The following HPS5 variants were observed in gnomAD, a reference collection of about 807,000 sequenced individuals.
HPS5 encodes HPS5 biogenesis of lysosomal organelles complex 2 subunit 2.
In HPS5, 83 loss-of-function variants were observed where a neutral mutation model predicts 128.0. The observed-to-expected ratio is 0.65, with a 90% CI of 0.54 to 0.78. The LOEUF (loss-of-function observed/expected upper bound fraction) is 0.78, where lower values mean the gene tolerates loss of function less well. Among genes scored for constraint, HPS5 ranks in the 30% least tolerant of loss-of-function variants. HPS5 has a pLI of 0.00. For missense variants in HPS5, 1,281 were observed against 1,326.2 expected (o/e 0.97, Z 0.53); for synonymous variants, 475 against 470.2 (o/e 1.01, Z -0.13).
rs141723019 is a variant in HPS5, at chr11:18,311,438, G to C, written c.233C>G (p.Ser78Cys). The change falls in exon 4 of 23, where the codon TCT (serine) becomes TGT (cysteine). Residue 78 changes from serine to cysteine, a missense_variant. Ser to Cys is a moderately radical substitution (Grantham distance 112, BLOSUM62 -1). Transcript: ENST00000349215. Reference sequence around the variant, plus strand: ...ATCATGTAAACAACAGGCGACTTGAGAAATTGCACCTTCCTAGAGCACAAA... The same window carrying C: ...ATCATGTAAACAACAGGCGACTTGACAAATTGCACCTTCCTAGAGCACAAA... The part of the protein sequence containing the change: ...LFLSHREGAI[S>C]QVACCLHDDD... 4.4e-6 allele frequency: 7 copies of C among 1,604,486 alleles called. No homozygotes were observed. Among genetic ancestry groups the C allele is most frequent in the East Asian group, 2.2e-5 (1 of 44,628 alleles).
At chr11:18,281,907 C>A in intron 22 of HPS5, 43 bp downstream of exon 22, 4 of 1,612,874 alleles carry the variant, frequency 2.5e-6, no homozygotes, top group Non-Finnish European at 3.4e-6. Flanking sequence ...GGCCTTCTAC[C>A]TTCTCCAAGC....
At chr11:18,315,530 T>C (rs557374116) in intron 2 of HPS5, among the ~76,000 whole-genome samples, 1 of 151,852 alleles carries the variant, frequency 6.6e-6, no homozygotes, top group Non-Finnish European at 1.5e-5. Context: ...CAAGACTCAC[T>C]TGAACCCAGG....
At chr11:18,307,634 T>G (rs1862520046) in intron 6 of HPS5, among the ~76,000 whole-genome samples, 1 of 152,032 alleles carries the variant, frequency 6.6e-6, no homozygotes, top group Non-Finnish European at 1.5e-5. Context: ...AGTTGAGTAT[T>G]TTCACATATG....
At chr11:18,316,337 T>C (rs1310709674) in intron 2 of HPS5, among the ~76,000 whole-genome samples, 4 of 152,176 alleles carry the variant, frequency 2.6e-5, no homozygotes, top group African/African-American at 7.2e-5. Flanking sequence ...AGATTTTATA[T>C]GCCTTTTCTC....
At position 18,297,278 on chromosome 11, in the gene HPS5, C is replaced by T. The variant is rs535023411; in HGVS notation, c.1323+281G>A. Among the ~76,000 whole-genome samples the T allele has an allele frequency of 2.0e-5, 3 of 152,206 alleles. No homozygotes were observed. The East Asian group carries it at 5.8e-4, about 29-fold the overall frequency. The stretch of plus-strand genomic sequence containing the variant: ...TCAGGCTCAAATTAGCATGAAGCAC[C>T]TAAAATCACATATTAGAGCAACGTA... On this transcript the variant is annotated intron_variant, in intron 11 of 22. Coordinates refer to ENST00000349215, the MANE Select transcript of HPS5 (RefSeq NM_181507.2).
intron 8 of HPS5, among the ~76,000 whole-genome samples, chr11:18,301,687 C>G (rs1007776318): frequency 4.6e-5 from 7 of 152,038 alleles, no homozygotes; most frequent in Non-Finnish European, 5.9e-5. Context: ...CAACAAAAAG[C>G]TGACAACTCC....
chr11:18,317,868 A>G lies in HPS5; in HGVS notation c.-10T>C, dbSNP rs1863834752. On this transcript the variant is annotated 5_prime_UTR_variant, in exon 2 of 23. Coordinates refer to ENST00000349215, the MANE Select transcript of HPS5 (RefSeq NM_181507.2). ...CTGGCACAAAAGCCATTTAGCCAGA[A>G]AGCTGAAACTTGTTGAATGATAGAT... 6.2e-6 allele frequency: 10 copies of G among 1,611,854 alleles called. No homozygotes were observed. The highest frequency in any genetic ancestry group is 1.3e-5 in the African/African-American group (1 of 74,908).
intron 8 of HPS5, among the ~76,000 whole-genome samples, chr11:18,303,414 TCAG>T (rs1176415711): frequency 6.6e-6 from 1 of 152,210 alleles, no homozygotes; most frequent in Non-Finnish European, 1.5e-5. Flanking sequence ...CTTTGAGGAA[TCAG>T]CAGAAGTTTC....
At chr11:18,287,857 C>CT (rs755100978) in intron 17 of HPS5, 36 bp downstream of exon 17, 28 of 1,613,438 alleles carry the variant, frequency 1.7e-5, no homozygotes, top group Non-Finnish European at 2.2e-5. Flanking sequence ...AATGCATGTG[C>CT]TTTAGCTCAT....
rs775138085 is a variant in HPS5, at chr11:18,300,908, C to T, written c.905G>A (p.Cys302Tyr). Residue 302 changes from cysteine (C) to tyrosine (Y), a missense_variant, in exon 9 of 23, where the codon TGT (cysteine) becomes TAT (tyrosine). Coordinates refer to ENST00000349215, the MANE Select transcript of HPS5 (RefSeq NM_181507.2). ...TCCTCTTTCTGTCCAAGTCAGCACA[C>T]AATGCTCACTGCAAGAGAAGAAGTG... ...FPKLLHLSEH[C>Y]VLTWTERGIY... 5.8e-5 allele frequency: 91 copies of T among 1,581,770 alleles called. No individual in the cohort carries two copies. Among genetic ancestry groups the T allele is most frequent in the Non-Finnish European group, 7.6e-5 (87 of 1,150,836 alleles).
rs761801743 is a variant in HPS5, at chr11:18,298,780, G to A, written c.1164+12C>T. 6.2e-7 allele frequency: 1 copy of A among 1,613,552 alleles called. No homozygotes were observed. Among genetic ancestry groups the A allele is most frequent in the South Asian group, 1.1e-5 (1 of 91,046 alleles). On this transcript the variant is annotated intron_variant, in intron 10 of 22. Transcript: ENST00000349215. ...ATCCATGGTAAAGATGTCTAGGTAA[G>A]CTCTGACTCACTCTGCTGGCAATGA... is the stretch of plus-strand genomic sequence containing the variant.
rs1863096290 is a variant in HPS5, at chr11:18,312,174, T to C, written c.109-150A>G. On this transcript the variant is annotated intron_variant, in intron 2 of 22. Coordinates refer to ENST00000349215, the MANE Select transcript of HPS5 (RefSeq NM_181507.2). ...TGGACACAATATGACACTTATTCTC[T>C]AGTTCTAGAATAGTAAAAAATACTG... 3.1e-5 allele frequency: 21 copies of C among 671,114 alleles called. No individual in the cohort carries two copies. In the East Asian group the frequency reaches 4.4e-4, roughly 14 times the overall value. 41.6% of individuals were successfully genotyped at this position (671,114 alleles called of 1,614,324 possible).
chr11:18,287,491 C>T (rs1175358452), intron 18 of HPS5, 44 bp downstream of exon 18: 1 of 1,602,288 alleles, frequency 6.2e-7, no homozygotes, highest in African/African-American at 1.3e-5. Flanking sequence ...AAACAATGCC[C>T]TGTCAAAAGA....
At chr11:18,284,185 A>T (rs1315466069) in intron 20 of HPS5, among the ~76,000 whole-genome samples, 1 of 152,096 alleles carries the variant, frequency 6.6e-6, no homozygotes, top group Non-Finnish European at 1.5e-5. Context: ...AAAAACAAAA[A>T]ACCTAGCAAC....
intron 14 of HPS5, among the ~76,000 whole-genome samples, chr11:18,294,110 G>C (rs1245471989): frequency 6.6e-6 from 1 of 152,114 alleles, no homozygotes; most frequent in Non-Finnish European, 1.5e-5. Flanking sequence ...AGAGAGACAA[G>C]ATACTCCACA....
At chr11:18,284,370 C>T (rs1428208663) in intron 20 of HPS5, among the ~76,000 whole-genome samples, 1 of 152,160 alleles carries the variant, frequency 6.6e-6, no homozygotes, top group Non-Finnish European at 1.5e-5. Context: ...TCAGCATGTC[C>T]CACTGCATTT....
At chr11:18,295,315 AAAT>A in intron 13 of HPS5, 146 bp from the exon 14 acceptor site, 3 of 676,574 alleles carry the variant, frequency 4.4e-6, no homozygotes, top group Non-Finnish European at 7.7e-6. Flanking sequence ...TTCTCTGTTC[AAAT>A]AATAGTATTT....
At chr11:18,298,481 C>T (rs758183001) in intron 10 of HPS5, among the ~76,000 whole-genome samples, 2 of 151,978 alleles carry the variant, frequency 1.3e-5, no homozygotes, top group Admixed American at 6.6e-5. Context: ...GGTGACAGAG[C>T]GAGACTGTCT....
chr11:18,295,115 G>A lies in HPS5; in HGVS notation c.1689C>T (p.Ser563=). The change falls in exon 14 of 23, where the codon AGC becomes AGT. Residue 563 remains serine, a synonymous_variant. Coordinates refer to ENST00000349215, the MANE Select transcript of HPS5 (RefSeq NM_181507.2). ...TTEKIGTLHT[S]PDLKVRPELR... ...GCTCTGGTCTCACTTTCAGATCAGG[G>A]CTCGTGTGAAGGGTGCCAATCTTCT... 6.2e-7 allele frequency: 1 copy of A among 1,614,130 alleles called. No homozygotes were observed. The highest frequency in any genetic ancestry group is 1.1e-5 in the South Asian group (1 of 91,088).
Sources: gnomAD v4.1 joint callset for allele counts (sites outside exome capture counted in the v4.1 genomes callset) on GRCh38, gnomAD v4.1.1 for gene constraint, MANE v1.5 for transcripts, NCBI Gene and HGNC (gene_info 2026-07-23, HGNC 2026-07-21) for gene names.